TBC1D22B: variants seen among roughly 807,000 people sequenced by gnomAD.
TBC1D22B encodes the protein chromosome 6 open reading frame 197.
A neutral mutation model predicts 69.1 loss-of-function variants in TBC1D22B; 32 were observed. That is an observed-to-expected ratio of 0.46 (90% CI 0.35 to 0.62). TBC1D22B has a LOEUF of 0.62. TBC1D22B is among the 20% of genes least tolerant of loss of function. The probability of loss-of-function intolerance (pLI) is 0.00; values close to 1 mark genes in which losing one functional copy is unlikely to be tolerated. For missense variants in TBC1D22B, 462 were observed against 630.9 expected, an observed-to-expected ratio of 0.73 and a Z score of 2.87; for synonymous variants, 206 against 229.8, an observed-to-expected ratio of 0.90 and a Z score of 0.94.
At chr6:37,293,497 A>G (rs1303191937) in intron 8 of TBC1D22B, among the ~76,000 whole-genome samples, 1 of 152,160 alleles carries the variant, frequency 6.6e-6, no homozygotes, top group Non-Finnish European at 1.5e-5. Context: ...AACTTAATTT[A>G]TAAGTGTTGT....
chr6:37,284,350 A>G lies in TBC1D22B; in HGVS notation c.687A>G (p.Ala229=). 1.2e-6 allele frequency: 2 copies of G among 1,614,202 alleles called. No homozygotes were observed. The highest frequency in any genetic ancestry group is 1.7e-6 in the Non-Finnish European group (2 of 1,180,028). Reference sequence around the variant, plus strand: ...CTTGTCTATAGGGCTATCTCCCAGCAAACACTGAGAGGAGGAAGTTGACCC... The same window carrying G: ...CTTGTCTATAGGGCTATCTCCCAGCGAACACTGAGAGGAGGAAGTTGACCC... ...TWRLLSGYLP[A]NTERRKLTLQ... Residue 229 remains alanine, a synonymous_variant, in exon 6 of 13, where the codon GCA becomes GCG. Coordinates refer to ENST00000373491, the MANE Select transcript of TBC1D22B (RefSeq NM_017772.4).
In TBC1D22B at chr6:37,316,749, G is replaced by A. The variant is rs754925073; in HGVS notation, c.1212G>A (p.Gln404=). The part of the protein sequence containing the change: ...HFRRYEVEYL[Q]FAFRWMNNLL... ...GGAGGTACGAGGTAGAATACCTGCA[G>A]TTTGCCTTCCGCTGGATGAACAACC... The change falls in exon 11 of 13, where the codon CAG becomes CAA. Residue 404 remains glutamine (Q), a synonymous_variant. Coordinates refer to ENST00000373491, the MANE Select transcript of TBC1D22B (RefSeq NM_017772.4). 4.3e-6 allele frequency: 7 copies of A among 1,614,206 alleles called. No individual in the cohort carries two copies. The South Asian group carries it at 7.7e-5, about 18-fold the overall frequency.
At chr6:37,308,388 T>G (rs1028067317) in intron 8 of TBC1D22B, among the ~76,000 whole-genome samples, 1 of 152,232 alleles carries the variant, frequency 6.6e-6, no homozygotes, top group Non-Finnish European at 1.5e-5. Context: ...CTTTCTCCAC[T>G]GCTTTTTGCT....
At chr6:37,278,819 GCTA>G (rs1413992946) in intron 2 of TBC1D22B, among the ~76,000 whole-genome samples, 1 of 151,950 alleles carries the variant, frequency 6.6e-6, no homozygotes, top group Non-Finnish European at 1.5e-5. Context: ...TGTAGTCCCA[GCTA>G]CTCAAGAGGC....
rs998614159 is a variant in TBC1D22B at position 37,274,711 on chromosome 6, G to A, written c.114-4593G>A. On this transcript the variant is annotated intron_variant, in intron 2 of 12. Coordinates refer to ENST00000373491, the MANE Select transcript of TBC1D22B (RefSeq NM_017772.4). ...GTAAGGAGGTATGGTGAAGGTGTTC[G>A]TCAGAGGCCAGTTTGGTTGTGACTT... Among the ~76,000 whole-genome samples the A allele has an allele frequency of 4.6e-5, 7 of 152,198 alleles. No individual in the cohort carries two copies. In the South Asian group the frequency reaches 1.0e-3, roughly 22 times the overall value.
chr6:37,258,972 C>A (rs1765960651), intron 1 of TBC1D22B, among the ~76,000 whole-genome samples: 1 of 141,822 alleles, frequency 7.1e-6, no homozygotes, highest in Non-Finnish European at 1.5e-5. Context: ...TTTTTTTAAG[C>A]GAGAGAGAGA....
intron 12 of TBC1D22B, among the ~76,000 whole-genome samples, chr6:37,328,254 G>C (rs1768488431): frequency 6.6e-6 from 1 of 152,156 alleles, no homozygotes; most frequent in African/African-American, 2.4e-5. Flanking sequence ...GCGGTGAACT[G>C]AGATTGTGCC....
At chr6:37,268,666 A>G (rs534207049) in intron 1 of TBC1D22B, among the ~76,000 whole-genome samples, 1 of 152,310 alleles carries the variant, frequency 6.6e-6, no homozygotes, top group East Asian at 1.9e-4. Context: ...TCTTTCCTCC[A>G]GAGAGAACTA....
intron 2 of TBC1D22B, among the ~76,000 whole-genome samples, chr6:37,274,723 T>C (rs1333327568): frequency 6.6e-6 from 1 of 152,176 alleles, no homozygotes. Context: ...CAGAGGCCAG[T>C]TTGGTTGTGA....
At chr6:37,269,770 GA>G in intron 2 of TBC1D22B, 120 bp downstream of exon 2, 1 of 878,038 alleles carries the variant, frequency 1.1e-6, no homozygotes, top group Non-Finnish European at 1.9e-6. Flanking sequence ...CCCTATTTTG[GA>G]CCAGGAGATG....
At chr6:37,326,295 G>A (rs1375300854) in intron 12 of TBC1D22B, among the ~76,000 whole-genome samples, 1 of 146,580 alleles carries the variant, frequency 6.8e-6, no homozygotes, top group Non-Finnish European at 1.5e-5. Context: ...CAGGAGAATC[G>A]CTTGAACCTG....
At chr6:37,268,335 C>T (rs766197891) in intron 1 of TBC1D22B, among the ~76,000 whole-genome samples, 4 of 151,982 alleles carry the variant, frequency 2.6e-5, no homozygotes, top group Non-Finnish European at 4.4e-5. Flanking sequence ...GTCAAGCGAT[C>T]CCCCCGTCTC....
rs182769933 is a variant in TBC1D22B at position 37,271,976 on chromosome 6, A to C, written c.113+2326A>C. Among the ~76,000 whole-genome samples, 393 of 152,016 alleles carry C rather than the reference A, an allele frequency of 2.6e-3. 1 individual carries two copies. Among genetic ancestry groups the C allele is most frequent in the Admixed American group, 4.1e-3 (63 of 15,252 alleles). ...AGCATGTGGCACGTAGTAGGCAGTG[A>C]GTAAATATTTATTGAATGAAGGTAT... On this transcript the variant is annotated intron_variant, in intron 2 of 12. Coordinates refer to ENST00000373491, the MANE Select transcript of TBC1D22B (RefSeq NM_017772.4).
intron 3 of TBC1D22B, among the ~76,000 whole-genome samples, chr6:37,279,939 C>A (rs1766775480): frequency 6.6e-6 from 1 of 152,180 alleles, no homozygotes; most frequent in South Asian, 2.1e-4. Context: ...TAGGCCTGGT[C>A]AGGTTTAGAA....
At chr6:37,272,255 C>T (rs749904850) in intron 2 of TBC1D22B, among the ~76,000 whole-genome samples, 6 of 151,668 alleles carry the variant, frequency 4.0e-5, no homozygotes, top group South Asian at 2.1e-4. Context: ...TGTAGAGACA[C>T]GGTTTTGCCA....
At chr6:37,298,702 C>T (rs1021442179) in intron 8 of TBC1D22B, among the ~76,000 whole-genome samples, 28 of 152,032 alleles carry the variant, frequency 1.8e-4, no homozygotes, top group Admixed American at 1.8e-3. Flanking sequence ...CCCGCCACCA[C>T]GCACAGCTAA....
Position 37,282,176 on chromosome 6 carries a change from T to C in TBC1D22B, c.422-9T>C. On this transcript the variant is annotated splice_polypyrimidine_tract_variant and intron_variant, in intron 3 of 12. Coordinates refer to ENST00000373491, the MANE Select transcript of TBC1D22B (RefSeq NM_017772.4). ...CAGCCCGTTCTCTTTCTTTTTCAAA[T>C]GATCTCAGGTGATACATGCCTGAGG... 6.2e-7 allele frequency: 1 copy of C among 1,613,836 alleles called. No homozygotes were observed. Among genetic ancestry groups the C allele is most frequent in the Non-Finnish European group, 8.5e-7 (1 of 1,179,778 alleles).
In TBC1D22B at chr6:37,312,940, C is replaced by G; in HGVS notation, c.1005C>G (p.Asp335Glu). ...EYVEEDVENF[D>E]VTNLSQDMLR... ...CAGAAGAGGATGTGGAGAACTTTGA[C>G]GTGACCAACTTGTCTCAAGACATGC... Residue 335 changes from aspartate (D) to glutamate (E), a missense_variant, in exon 9 of 13, where the codon GAC (aspartate) becomes GAG (glutamate). Coordinates refer to ENST00000373491, the MANE Select transcript of TBC1D22B (RefSeq NM_017772.4). The G allele has an allele frequency of 6.2e-7, 1 of 1,614,112 alleles. No homozygotes were observed. The highest frequency in any genetic ancestry group is 8.5e-7 in the Non-Finnish European group (1 of 1,179,966).
At position 37,287,088 on chromosome 6, in the gene TBC1D22B, A is replaced by C; in HGVS notation, c.867+16A>C. On this transcript the variant is annotated intron_variant, in intron 7 of 12. Coordinates refer to ENST00000373491, the MANE Select transcript of TBC1D22B (RefSeq NM_017772.4). ...TGTACAGGAGGTGAGGGAATTACTT[A>C]ATGTTCTTTGGCGCTTCTCCCCGCA... The C allele has an allele frequency of 6.3e-7, 1 of 1,588,584 alleles. No homozygotes were observed. Among genetic ancestry groups the C allele is most frequent in the East Asian group, 2.3e-5 (1 of 43,034 alleles).
Sources: allele counts gnomAD v4.1 joint callset (sites outside exome capture counted in the v4.1 genomes callset), GRCh38; gene constraint gnomAD v4.1.1; transcripts MANE v1.5; gene names NCBI Gene and HGNC (gene_info 2026-07-23, HGNC 2026-07-21).